The following ZNF532 variants were observed in gnomAD, a reference collection of about 807,000 sequenced individuals.
The protein encoded by ZNF532 is zinc finger protein 532.
A neutral mutation model predicts 89.3 loss-of-function variants in ZNF532; 22 were observed. The observed-to-expected ratio is 0.25, with a 90% CI of 0.18 to 0.35. The LOEUF (loss-of-function observed/expected upper bound fraction) is 0.35. Ranked by LOEUF, ZNF532 falls within the 10% of genes least tolerant of loss-of-function variation. The probability of loss-of-function intolerance (pLI) is 1.00; values close to 1 mark genes in which losing one functional copy is unlikely to be tolerated. For missense variants in ZNF532, 1,132 were observed against 1,643.4 expected (o/e 0.69, Z 5.38); for synonymous variants, 606 against 649.6 (o/e 0.93, Z 1.02).
At chr18:58,943,599 A>G (rs1048323817) in intron 5 of ZNF532, among the ~76,000 whole-genome samples, 6 of 152,178 alleles carry the variant, frequency 3.9e-5, no homozygotes, top group Non-Finnish European at 7.4e-5. Context: ...AGTAGCTGGA[A>G]TTACAGGCAC....
At chr18:58,877,076 A>G (rs1046517609) in intron 2 of ZNF532, among the ~76,000 whole-genome samples, 3 of 151,740 alleles carry the variant, frequency 2.0e-5, no homozygotes, top group African/African-American at 7.3e-5. Context: ...AAAAAAAAGC[A>G]GAAAAGAAAA....
At chr18:58,890,590 G>A (rs1008521517) in intron 2 of ZNF532, among the ~76,000 whole-genome samples, 24 of 141,658 alleles carry the variant, frequency 1.7e-4, no homozygotes, top group African/African-American at 5.5e-4. Context: ...ACTAACTGCC[G>A]CCCATTTTTT....
At chr18:58,886,614 A>G (rs969209174) in intron 2 of ZNF532, among the ~76,000 whole-genome samples, 4 of 152,258 alleles carry the variant, frequency 2.6e-5, no homozygotes, top group East Asian at 1.9e-4. Context: ...AGGATGTACC[A>G]TGATTGTTAC....
At chr18:58,963,094 A>C (rs1220267293) in intron 7 of ZNF532, among the ~76,000 whole-genome samples, 2 of 152,106 alleles carry the variant, frequency 1.3e-5, no homozygotes, top group Non-Finnish European at 2.9e-5. Flanking sequence ...TCTCAAGTGT[A>C]TTTGTTTAAA....
At chr18:58,949,338 CAG>C (rs984571014) in intron 6 of ZNF532, among the ~76,000 whole-genome samples, 8 of 152,180 alleles carry the variant, frequency 5.3e-5, no homozygotes, top group African/African-American at 1.9e-4. Context: ...ACTTTTTAAA[CAG>C]AGAAACAAGA....
intron 7 of ZNF532, among the ~76,000 whole-genome samples, chr18:58,955,341 G>C (rs1039744401): frequency 6.6e-6 from 1 of 152,204 alleles, no homozygotes; most frequent in Non-Finnish European, 1.5e-5. Context: ...CCAGCTACCA[G>C]CTTGTCTCAT....
chr18:58,863,428 C>T (rs2056129002), upstream of ZNF532: 2 of 820 alleles, frequency 2.4e-3, no homozygotes, highest in Non-Finnish European at 6.8e-3. Context: ...CCGCCCGGTC[C>T]CGGAGCTCCC....
At chr18:58,965,845 A>C (rs2065867447) in intron 7 of ZNF532, among the ~76,000 whole-genome samples, 1 of 152,216 alleles carries the variant, frequency 6.6e-6, no homozygotes, top group Non-Finnish European at 1.5e-5. Flanking sequence ...CATGGATTGT[A>C]GCAGGGCCTG....
At chr18:58,939,084 T>A (rs2062724175) in intron 4 of ZNF532, among the ~76,000 whole-genome samples, 1 of 151,634 alleles carries the variant, frequency 6.6e-6, no homozygotes, top group Non-Finnish European at 1.5e-5. Context: ...CCATCTCTAC[T>A]AAAAATACAA....
chr18:58,916,658 T>G, intron 2 of ZNF532: 1 of 973,900 alleles, frequency 1.0e-6, no homozygotes, highest in Non-Finnish European at 1.2e-6. Context: ...GAACCCTAAG[T>G]GTTGATTTCG....
rs559047088 is a variant in ZNF532, at chr18:58,924,074, C to T, written c.2346+3441C>T. ...GTTTCACCATGTTGGCCGGGCTGGT[C>T]TTGAACTCCTAACCTCAAGTGATCC... is the stretch of plus-strand genomic sequence containing the variant. On this transcript the variant is annotated intron_variant, in intron 3 of 9. Coordinates refer to ENST00000591808, the MANE Select transcript of ZNF532 (RefSeq NM_001375912.1). Among the ~76,000 whole-genome samples the T allele has an allele frequency of 1.7e-3, 254 of 152,330 alleles. 2 individuals are homozygous for T. Among genetic ancestry groups the T allele is most frequent in the Non-Finnish European group, 3.0e-3 (201 of 68,032 alleles).
intron 8 of ZNF532, chr18:58,979,376 C>T (rs115398597): frequency 0.034 from 12,242 of 360,810 alleles, 236 homozygotes; most frequent in East Asian, 0.047. Context: ...TCTTGCATAT[C>T]CCACATACAT....
intron 7 of ZNF532, among the ~76,000 whole-genome samples, chr18:58,957,282 T>C (rs563600036): frequency 2.0e-5 from 3 of 152,184 alleles, no homozygotes; most frequent in South Asian, 2.1e-4. Flanking sequence ...CCAGAAGTCA[T>C]TGGAAAGATC....
At chr18:58,875,151 C>CG (rs2057327585) in intron 2 of ZNF532, among the ~76,000 whole-genome samples, 1 of 152,040 alleles carries the variant, frequency 6.6e-6, no homozygotes, top group South Asian at 2.1e-4. Flanking sequence ...CTTTCCCCCC[C>CG]CTTTTTTTCT....
chr18:58,896,139 C>A (rs1868498843), intron 2 of ZNF532, among the ~76,000 whole-genome samples: 1 of 152,168 alleles, frequency 6.6e-6, no homozygotes, highest in African/African-American at 2.4e-5. Flanking sequence ...GGGCGTCACC[C>A]AGCCAGATCC....
At chr18:58,936,964 C>A (rs1453911432) in intron 4 of ZNF532, among the ~76,000 whole-genome samples, 3 of 152,086 alleles carry the variant, frequency 2.0e-5, no homozygotes, top group African/African-American at 7.2e-5. Context: ...GTGCAGTGTG[C>A]CTTGCTGTCT....
At chr18:58,923,307 G>A (rs1225115382) in intron 3 of ZNF532, among the ~76,000 whole-genome samples, 5 of 150,746 alleles carry the variant, frequency 3.3e-5, no homozygotes, top group African/African-American at 7.3e-5. Flanking sequence ...CCTGTTCCTC[G>A]TCTCCCCTTT....
intron 7 of ZNF532, among the ~76,000 whole-genome samples, chr18:58,962,274 C>T (rs2065431630): frequency 6.6e-6 from 1 of 151,802 alleles, no homozygotes; most frequent in Non-Finnish European, 1.5e-5. Context: ...TCTCCTCGGA[C>T]ACTGGAATGA....
At chr18:58,871,668 G>A (rs2056995540) in intron 2 of ZNF532, among the ~76,000 whole-genome samples, 2 of 152,226 alleles carry the variant, frequency 1.3e-5, no homozygotes, top group Admixed American at 6.5e-5. Context: ...TCACGTTGGA[G>A]GTGATAGCTG....
Sources: allele counts gnomAD v4.1 joint callset (sites outside exome capture counted in the v4.1 genomes callset), GRCh38; gene constraint gnomAD v4.1.1; transcripts MANE v1.5; gene names NCBI Gene and HGNC (gene_info 2026-07-23, HGNC 2026-07-21).